The following TSKS variants were observed in gnomAD, a reference collection of about 807,000 sequenced individuals.
TSKS encodes testis specific serine kinase substrate, also known as testis-specific serine kinase substrate.
In TSKS, 27 loss-of-function variants were observed where a neutral mutation model predicts 68.0. The ratio of observed to expected loss-of-function variants is 0.40; its 90% CI spans 0.29 to 0.55. The LOEUF (loss-of-function observed/expected upper bound fraction) is 0.55. Among genes scored for constraint, TSKS ranks in the 20% least tolerant of loss-of-function variants. TSKS has a pLI of 0.53. For synonymous variants in TSKS, 331 were observed against 340.4 expected, an observed-to-expected ratio of 0.97 and a Z score of 0.30; for missense variants, 806 against 776.0, an observed-to-expected ratio of 1.04 and a Z score of -0.46.
intron 7 of TSKS, among the ~76,000 whole-genome samples, chr19:49,744,904 A>G (rs1180765987): frequency 1.3e-5 from 2 of 151,982 alleles, no homozygotes; most frequent in African/African-American, 4.8e-5. Context: ...TTTGTAGATT[A>G]CTGTTTGGAA....
chr19:49,753,107 T>C (rs991708441), intron 2 of TSKS, among the ~76,000 whole-genome samples: 1 of 152,156 alleles, frequency 6.6e-6, no homozygotes, highest in African/African-American at 2.4e-5. Context: ...ATTACAGAAA[T>C]AGTTCAGAAA....
chr19:49,762,366 C>G, intron 1 of TSKS, 134 bp from the exon 2 acceptor site: 1 of 623,924 alleles, frequency 1.6e-6, no homozygotes. Flanking sequence ...TCTCTGTCCC[C>G]GCTGCCTACT....
Position 49,751,190 on chromosome 19 carries a change from G to T in TSKS, c.400-2721C>A, listed in dbSNP as rs543291732. ...GTGGTGGCAGGCAGTTGTAATCCCA[G>T]CTACTTGGGAGGCTGACACAGGAGA... On this transcript the variant is annotated intron_variant, in intron 2 of 10. Transcript: ENST00000246801. Among the ~76,000 whole-genome samples the T allele has an allele frequency of 8.6e-4, 129 of 150,856 alleles. No individual in the cohort carries two copies. In the Middle Eastern group the frequency reaches 0.01, roughly 12 times the overall value.
At chr19:49,761,973 C>T (rs1273634) in intron 2 of TSKS, 31 bp downstream of exon 2, 536,092 of 1,576,932 alleles carry the variant, frequency 0.34, 99,282 homozygotes, top group African/African-American at 0.73. Flanking sequence ...GACCTCGGTC[C>T]TCCCCAGCGG....
chr19:49,744,400 C>G lies in TSKS; in HGVS notation c.1192G>C (p.Glu398Gln). The G allele has an allele frequency of 6.2e-7, 1 of 1,613,494 alleles. No homozygotes were observed. The highest frequency in any genetic ancestry group is 1.3e-5 in the African/African-American group (1 of 75,022). The stretch of plus-strand genomic sequence containing the variant: ...GAAGCCACAGACACTGCTGACCGCT[C>G]CACCCTGAGGCATGAGTAACCAGTG... Reference protein sequence around the residue: ...GRADELCTMVERSAVSVASLR... With the variant: ...GRADELCTMVQRSAVSVASLR... The change falls in exon 8 of 11, where the codon GAG (glutamate) becomes CAG (glutamine). Residue 398 changes from glutamate to glutamine, a missense_variant. Physicochemically the swap from Glu to Gln is conservative, Grantham distance 29. Transcript: ENST00000246801.
chr19:49,742,114 C>A, intron 8 of TSKS, 94 bp from the exon 9 acceptor site: 1 of 1,454,016 alleles, frequency 6.9e-7, no homozygotes. Context: ...CATTTGGCCT[C>A]GTTTCCAGTA....
chr19:49,752,299 G>A (rs1455337815), intron 2 of TSKS, among the ~76,000 whole-genome samples: 5 of 151,172 alleles, frequency 3.3e-5, no homozygotes, highest in African/African-American at 9.7e-5. Context: ...CAGGAGAATC[G>A]CTTGAACCCG....
At chr19:49,760,299 T>TGA (rs1177736713) in intron 2 of TSKS, among the ~76,000 whole-genome samples, 1 of 152,076 alleles carries the variant, frequency 6.6e-6, no homozygotes, top group East Asian at 1.9e-4. Flanking sequence ...TGTGAGACCC[T>TGA]GTCTCTACAA....
chr19:49,753,241 C>A (rs1192707939), intron 2 of TSKS, among the ~76,000 whole-genome samples: 1 of 152,126 alleles, frequency 6.6e-6, no homozygotes, highest in Non-Finnish European at 1.5e-5. Context: ...GCCTGAGCAA[C>A]ATAGTAAAAC....
intron 2 of TSKS, among the ~76,000 whole-genome samples, chr19:49,757,511 C>T (rs2001342): frequency 0.21 from 32,079 of 152,042 alleles, 4,278 homozygotes; most frequent in African/African-American, 0.37. Context: ...GGACCTAGGG[C>T]CAACTAATTT....
chr19:49,760,586 C>T (rs948395483), intron 2 of TSKS, among the ~76,000 whole-genome samples: 26 of 152,018 alleles, frequency 1.7e-4, no homozygotes, highest in African/African-American at 5.1e-4. Context: ...CCACCCGCCT[C>T]GGCCTCCCAA....
chr19:49,747,624 T>C, intron 4 of TSKS, 152 bp from the exon 5 acceptor site: 1 of 728,016 alleles, frequency 1.4e-6, no homozygotes, highest in Non-Finnish European at 2.3e-6. Context: ...AGGGGATGGC[T>C]TCCTCCTTAG....
In TSKS at chr19:49,746,566, A is replaced by T; in HGVS notation, c.896T>A (p.Val299Asp). The change falls in exon 6 of 11, where the codon GTC (valine) becomes GAC (aspartate). Residue 299 changes from valine (V) to aspartate (D), a missense_variant. Physicochemically the swap from Val to Asp is radical, Grantham distance 152. Coordinates refer to ENST00000246801, the MANE Select transcript of TSKS (RefSeq NM_021733.2). ...AGGCCCCATTCCCCAGCCTGCGGGG[A>T]CCAGGCCGTGTGGCCGCGAGGGTTT... The part of the protein sequence containing the change: ...PDKPSRPHGL[V>D]PAGWGMGPRA... 1 of 1,613,088 alleles carries T rather than the reference A, an allele frequency of 6.2e-7. No individual in the cohort carries two copies. Among genetic ancestry groups the T allele is most frequent in the Non-Finnish European group, 8.5e-7 (1 of 1,179,690 alleles).
chr19:49,746,694 C>T lies in TSKS; in HGVS notation c.768G>A (p.Gln256=). 5.1e-6 allele frequency: 8 copies of T among 1,560,740 alleles called. No homozygotes were observed. The highest frequency in any genetic ancestry group is 1.9e-5 in the African/African-American group (1 of 53,344). ...PEEKQEPEEK[Q]EPEEKQKPEA... ...CCGGCTTCTGCTTCTCCTCCGGCTC[C>T]TGCTTCTCCTCCGGCTCCTGCTTCT... The change falls in exon 6 of 11, where the codon CAG becomes CAA. Residue 256 remains glutamine, a synonymous_variant. Coordinates refer to ENST00000246801, the MANE Select transcript of TSKS (RefSeq NM_021733.2).
Position 49,747,551 on chromosome 19 carries a change from C to A in TSKS, c.580-79G>T, listed in dbSNP as rs8106500. 9.9e-3 allele frequency: 13,917 copies of A among 1,401,096 alleles called. 999 individuals carry two copies. In the African/African-American group the frequency reaches 0.17, roughly 17 times the overall value. The allele number at this position is 1,401,096 out of a possible 1,614,324, so 86.8% of individuals were successfully genotyped here. A position where few individuals can be genotyped will look rare whatever the true frequency, so the allele number is the denominator to read the frequency against. On this transcript the variant is annotated intron_variant, in intron 4 of 10. Coordinates refer to ENST00000246801, the MANE Select transcript of TSKS (RefSeq NM_021733.2). ...CAACCCTTAGCCTGTCTGTTTCCATCCAGGCTCCAGGCCTCCTAGCCCCCC... is the reference window on the plus strand; with the variant it reads ...CAACCCTTAGCCTGTCTGTTTCCATACAGGCTCCAGGCCTCCTAGCCCCCC...
Position 49,763,009 on chromosome 19 carries a change from C to T in TSKS, c.170+69G>A, listed in dbSNP as rs1037995916. 2.2e-5 allele frequency: 34 copies of T among 1,522,368 alleles called. No homozygotes were observed. Among genetic ancestry groups the T allele is most frequent in the African/African-American group, 2.8e-5 (2 of 70,778 alleles). The allele number at this position is 1,522,368 out of a possible 1,614,324, so 94.3% of individuals were successfully genotyped here. A position where few individuals can be genotyped will look rare whatever the true frequency, so the allele number is the denominator to read the frequency against. ...CTCCCCTTCCTCTAGCACCCACAGTCGGACTCCTGCTCTGTTGGAGGTAGT... is the reference window on the plus strand; with the variant it reads ...CTCCCCTTCCTCTAGCACCCACAGTTGGACTCCTGCTCTGTTGGAGGTAGT... On this transcript the variant is annotated intron_variant, in intron 1 of 10. Coordinates refer to ENST00000246801, the MANE Select transcript of TSKS (RefSeq NM_021733.2). The surrounding 1 kb of genome is among the most constrained non-coding windows in gnomAD (Gnocchi z 4.5).
intron 2 of TSKS, among the ~76,000 whole-genome samples, chr19:49,761,092 C>CAATAAATA (rs10653677): frequency 2.0e-4 from 30 of 150,866 alleles, no homozygotes; most frequent in Admixed American, 4.0e-4. Flanking sequence ...AACTCTGTCT[C>CAATAAATA]AATAAATAAA....
In TSKS at chr19:49,745,121, C is replaced by A. The variant is rs1048235142; in HGVS notation, c.1187+81G>T. 6 of 1,390,046 alleles carry A rather than the reference C, an allele frequency of 4.3e-6. No homozygotes were observed. The African/African-American group carries it at 7.2e-5, about 17-fold the overall frequency. 86.1% of individuals were successfully genotyped at this position (1,390,046 alleles called of 1,614,324 possible). Reference sequence around the variant, plus strand: ...GCCTGGCCATAGCTGATTGGCCTACCCATTTCCCTCAAGACCCCGCCCTCA... The same window carrying A: ...GCCTGGCCATAGCTGATTGGCCTACACATTTCCCTCAAGACCCCGCCCTCA... On this transcript the variant is annotated intron_variant, in intron 7 of 10. Coordinates refer to ENST00000246801, the MANE Select transcript of TSKS (RefSeq NM_021733.2).
At chr19:49,747,250 G>A (rs1321765078) in intron 5 of TSKS, 139 bp downstream of exon 5, 1 of 1,561,026 alleles carries the variant, frequency 6.4e-7, no homozygotes, top group South Asian at 1.2e-5. Flanking sequence ...TTATCAGCGA[G>A]TTCTAAGGAT....
Sources: allele counts gnomAD v4.1 joint callset (sites outside exome capture counted in the v4.1 genomes callset), GRCh38; gene constraint gnomAD v4.1.1; non-coding constraint Gnocchi (gnomAD v3.1); transcripts MANE v1.5; gene names NCBI Gene and HGNC (gene_info 2026-07-23, HGNC 2026-07-21).